SEC14L1: variants seen among roughly 807,000 people sequenced by gnomAD.
The protein encoded by SEC14L1 is SEC14-like protein 1.
Under a neutral mutation model 85.3 loss-of-function variants are expected in SEC14L1, and 48 were observed. The ratio of observed to expected loss-of-function variants is 0.56; its 90% CI spans 0.45 to 0.72. The LOEUF is 0.72. Among genes scored for constraint, SEC14L1 ranks in the 30% least tolerant of loss-of-function variants. The probability of loss-of-function intolerance (pLI) is 0.00; values close to 1 mark genes in which losing one functional copy is unlikely to be tolerated. For synonymous variants in SEC14L1, 391 were observed against 355.5 expected, an observed-to-expected ratio of 1.10 and a Z score of -1.12; for missense variants, 682 against 921.4, an observed-to-expected ratio of 0.74 and a Z score of 3.36.
At chr17:77,169,117 T>G (rs897603687) in intron 3 of SEC14L1, among the ~76,000 whole-genome samples, 1 of 150,358 alleles carries the variant, frequency 6.7e-6, no homozygotes, top group African/African-American at 2.5e-5. Flanking sequence ...CCGCTCCAGT[T>G]TCTCAGCAGA....
chr17:77,200,456 G>T, intron 8 of SEC14L1, 28 bp from the exon 9 acceptor site: 1 of 1,597,106 alleles, frequency 6.3e-7, no homozygotes. Context: ...TTTTAACATT[G>T]CTTAGAAATG....
upstream of SEC14L1, among the ~76,000 whole-genome samples, chr17:77,136,121 C>T (rs1219224824): frequency 1.3e-4 from 20 of 152,146 alleles, no homozygotes; most frequent in Admixed American, 2.6e-4. Flanking sequence ...GTGACCTGCC[C>T]GCCTCGGCCT....
At chr17:77,173,431 A>T (rs1424671127) in intron 3 of SEC14L1, among the ~76,000 whole-genome samples, 2 of 151,218 alleles carry the variant, frequency 1.3e-5, no homozygotes, top group Non-Finnish European at 2.9e-5. Context: ...GCTGAGGCAG[A>T]TGGTCTAAAG....
intron 3 of SEC14L1, among the ~76,000 whole-genome samples, chr17:77,182,276 T>C (rs1036881646): frequency 8.5e-5 from 13 of 152,206 alleles, no homozygotes; most frequent in African/African-American, 3.1e-4. Context: ...AAATATGGCT[T>C]TCTTTAGCAC....
At chr17:77,180,051 A>T (rs148931425) in intron 3 of SEC14L1, among the ~76,000 whole-genome samples, 71 of 16,666 alleles carry the variant, frequency 4.3e-3, no homozygotes, top group Admixed American at 0.025. Context: ...TTGTTTTGTT[A>T]TGTTATGTTA....
intron 14 of SEC14L1, chr17:77,210,307 T>A (rs1281128024): frequency 6.6e-6 from 1 of 152,350 alleles, no homozygotes; most frequent in African/African-American, 2.4e-5. Flanking sequence ...GCATGCCATA[T>A]GTCTGTCCTG....
At chr17:77,125,873 C>T (rs894962624) in intron 3 of SEC14L1, among the ~76,000 whole-genome samples, 3 of 152,142 alleles carry the variant, frequency 2.0e-5, no homozygotes, top group African/African-American at 7.2e-5. Context: ...GGAATGGGGC[C>T]GGGCGGGGTG....
At chr17:77,198,157 T>A (rs1382075970) in intron 8 of SEC14L1, among the ~76,000 whole-genome samples, 1 of 152,250 alleles carries the variant, frequency 6.6e-6, no homozygotes, top group Non-Finnish European at 1.5e-5. Context: ...CTAATTAGAT[T>A]GGCATAGTTA....
At chr17:77,194,598 A>G (rs1053858702) in intron 6 of SEC14L1, 79 bp from the exon 7 acceptor site, 3 of 1,227,668 alleles carry the variant, frequency 2.4e-6, no homozygotes, top group Non-Finnish European at 3.5e-6. Context: ...GTTGGCTAGA[A>G]AAAAAGAAAA....
chr17:77,114,491 T>A (rs555797921), intron 3 of SEC14L1, among the ~76,000 whole-genome samples: 62 of 147,612 alleles, frequency 4.2e-4, no homozygotes, highest in Middle Eastern at 3.9e-3. Context: ...GCCACTGCAC[T>A]CCAGCCTAGG....
chr17:77,194,741 G>T lies in SEC14L1; in HGVS notation c.539G>T (p.Arg180Leu). 1.9e-6 allele frequency: 3 copies of T among 1,614,182 alleles called. No individual in the cohort carries two copies. The highest frequency in any genetic ancestry group is 1.1e-5 in the South Asian group (1 of 91,086). The change falls in exon 7 of 17, where the codon CGT becomes CTT. Residue 180 changes from arginine (R) to leucine (L), a missense_variant. Coordinates refer to ENST00000436233, the MANE Select transcript of SEC14L1 (RefSeq NM_001143998.2). ...LEEEGITFVP[R>L]WSPPSITTSS... ...GAAGAAGGCATAACCTTTGTGCCCC[G>T]TTGGAGTCCGCCTTCCATCACGACC...
chr17:77,188,994 GTT>G (rs547303167), intron 3 of SEC14L1, among the ~76,000 whole-genome samples: 1 of 140,174 alleles, frequency 7.1e-6, no homozygotes, highest in Non-Finnish European at 1.6e-5. Context: ...CTCTTGAGTT[GTT>G]TTTTTTTTTT....
At chr17:77,201,263 C>G (rs183823252) in intron 9 of SEC14L1, among the ~76,000 whole-genome samples, 10 of 152,284 alleles carry the variant, frequency 6.6e-5, no homozygotes, top group African/African-American at 1.7e-4. Context: ...TACACTCTTT[C>G]CTGAGCCAAA....
At chr17:77,096,102 G>C (rs1179122829) in intron 3 of SEC14L1, among the ~76,000 whole-genome samples, 1 of 137,980 alleles carries the variant, frequency 7.2e-6, no homozygotes, top group Non-Finnish European at 1.5e-5. Flanking sequence ...TCACTGTCTT[G>C]CCCAGACTGG....
At chr17:77,103,421 CT>C (rs1485729241) in intron 3 of SEC14L1, among the ~76,000 whole-genome samples, 2 of 150,312 alleles carry the variant, frequency 1.3e-5, no homozygotes, top group African/African-American at 4.9e-5. Flanking sequence ...CCAGATTTTT[CT>C]TTTTTGTTGT....
chr17:77,090,251 CACTAT>C (rs1598205052), intron 2 of SEC14L1, among the ~76,000 whole-genome samples: 1 of 149,848 alleles, frequency 6.7e-6, no homozygotes, highest in East Asian at 2.0e-4. Context: ...GAGATCGCGC[CACTAT>C]ACTGCAGCCT....
At chr17:77,116,611 A>G (rs184893030) in intron 3 of SEC14L1, among the ~76,000 whole-genome samples, 59 of 152,370 alleles carry the variant, frequency 3.9e-4, no homozygotes, top group Admixed American at 2.4e-3. Context: ...CTTGGGGCAG[A>G]GTAAAACTGA....
chr17:77,200,241 C>T (rs1976059489), intron 8 of SEC14L1, among the ~76,000 whole-genome samples: 1 of 152,186 alleles, frequency 6.6e-6, no homozygotes, highest in African/African-American at 2.4e-5. Context: ...GTGATCTCGG[C>T]TCGCTGCAGC....
intron 3 of SEC14L1, among the ~76,000 whole-genome samples, chr17:77,171,011 TG>T (rs1461477848): frequency 6.6e-6 from 1 of 152,228 alleles, no homozygotes; most frequent in East Asian, 1.9e-4. Flanking sequence ...ATAGTTAACA[TG>T]GCCTACTGGG....
Sources: allele counts gnomAD v4.1 joint callset (sites outside exome capture counted in the v4.1 genomes callset), GRCh38; gene constraint gnomAD v4.1.1; transcripts MANE v1.5; gene names NCBI Gene and HGNC (gene_info 2026-07-23, HGNC 2026-07-21).